The following DGKK variants were observed in gnomAD, a reference collection of about 807,000 sequenced individuals.
DGKK encodes 142 kDa diacylglycerol kinase.
A neutral mutation model predicts 92.2 loss-of-function variants in DGKK; 35 were observed. That is an observed-to-expected ratio of 0.38 (90% CI 0.29 to 0.50). The LOEUF is 0.50. Among genes scored for constraint, DGKK ranks in the 20% least tolerant of loss-of-function variants. The pLI is 0.92. For missense variants in DGKK, 910 were observed against 992.2 expected (o/e 0.92, Z 1.11); for synonymous variants, 368 against 360.6 (o/e 1.02, Z -0.23).
chrX:50,444,644 T>C (rs1557231598), intron 1 of DGKK, among the ~76,000 whole-genome samples: 1 of 112,180 alleles, frequency 8.9e-6, no homozygotes, highest in Non-Finnish European at 1.9e-5. Flanking sequence ...TATGGCTGCA[T>C]AGTATTCCAT....
intron 4 of DGKK, among the ~76,000 whole-genome samples, chrX:50,405,140 A>G (rs1293610148): frequency 8.9e-6 from 1 of 112,132 alleles, no homozygotes; most frequent in Non-Finnish European, 1.9e-5. Context: ...CCCTGCCTAC[A>G]TGGAGTGGCA....
rs781940447 is a variant in DGKK, at chrX:50,378,088, TC to T, written c.3111+9del. On this transcript the variant is annotated intron_variant, in intron 22 of 27. Transcript: ENST00000611977. Reference sequence around the variant, plus strand: ...AGTATAGGAGCCCAAGACAAGATTTTCCCCCTTACCCGATCTCTTGTCAGCA... The same window carrying T: ...AGTATAGGAGCCCAAGACAAGATTTTCCCCTTACCCGATCTCTTGTCAGCA... 16 of 1,201,982 alleles carry T rather than the reference TC, an allele frequency of 1.3e-5. No homozygotes were observed. The East Asian group carries it at 2.7e-4, about 20-fold the overall frequency.
chrX:50,460,409 T>C (rs1299448700), intron 1 of DGKK, among the ~76,000 whole-genome samples: 1 of 111,551 alleles, frequency 9.0e-6, no homozygotes, highest in African/African-American at 3.3e-5. Context: ...TCAGAACTAC[T>C]GCCTCTTGTT....
chrX:50,376,610 G>T, intron 23 of DGKK, 148 bp downstream of exon 23: 2 of 482,484 alleles, frequency 4.1e-6, no homozygotes, highest in Non-Finnish European at 6.6e-6. Context: ...TTCCTGCCTG[G>T]ATTGTGAGGG....
chrX:50,388,600 AG>A lies in DGKK; in HGVS notation c.1944del (p.Leu649Ter), dbSNP rs782577029. 1 of 1,205,721 alleles carries A rather than the reference AG, an allele frequency of 8.3e-7. No homozygotes were observed. ...VPRFEAAAIQ[H>X]LESAATELNK... ...TTCAACTCGGTGGCTGCAGATTCTA[AG>A]TGTTGGATGGCAGCAGCCTAGGGGC... On this transcript the variant is annotated frameshift_variant, in exon 13 of 28. Transcript: ENST00000611977. LOFTEE classifies it high-confidence loss of function.
intron 1 of DGKK, among the ~76,000 whole-genome samples, chrX:50,434,920 A>G (rs1201587741): frequency 2.7e-5 from 3 of 111,929 alleles, no homozygotes; most frequent in Non-Finnish European, 5.6e-5. Context: ...GAAACATGTC[A>G]TTAGGCCATT....
chrX:50,470,176 T>C lies in DGKK; in HGVS notation c.503A>G (p.Glu168Gly), dbSNP rs376338133. 1 of 1,210,708 alleles carries C rather than the reference T, an allele frequency of 8.3e-7. No individual in the cohort carries two copies. Among genetic ancestry groups the C allele is most frequent in the African/African-American group, 1.7e-5 (1 of 57,434 alleles). Residue 168 changes from glutamate (E) to glycine (G), a missense_variant, in exon 1 of 28, where the codon GAG (glutamate) becomes GGG (glycine). Coordinates refer to ENST00000611977, the MANE Select transcript of DGKK (RefSeq NM_001013742.4). ...ACTTGGACGGAACTCTGGAGCCGCC[T>C]CAGGGCAGAACTCTGGGGCCAGCTC... is the stretch of plus-strand genomic sequence containing the variant. The part of the protein sequence containing the change: ...VTELAPEFCP[E>G]AAPEFRPSPA...
chrX:50,436,230 G>A (rs61289220), intron 1 of DGKK, among the ~76,000 whole-genome samples: 204 of 112,249 alleles, frequency 1.8e-3, no homozygotes, highest in African/African-American at 6.4e-3. Flanking sequence ...GTGAAATGAA[G>A]TGCTAACAGT....
At chrX:50,466,378 T>A (rs1221502883) in intron 1 of DGKK, among the ~76,000 whole-genome samples, 2 of 111,553 alleles carry the variant, frequency 1.8e-5, no homozygotes, top group Non-Finnish European at 3.8e-5. Flanking sequence ...AGGAAAAAAA[T>A]TTATTATCCC....
chrX:50,396,636 T>C (rs1380551303), intron 8 of DGKK, among the ~76,000 whole-genome samples: 1 of 110,449 alleles, frequency 9.1e-6, no homozygotes, highest in Non-Finnish European at 1.9e-5. Flanking sequence ...CAGTGGGACA[T>C]AGCCCCAGCA....
chrX:50,375,938 T>A, intron 24 of DGKK, 86 bp downstream of exon 24: 1 of 1,087,709 alleles, frequency 9.2e-7, no homozygotes, highest in Non-Finnish European at 1.2e-6. Context: ...AGTTTCTCCG[T>A]CCAGCCTCCG....
At chrX:50,400,474 G>T (rs1400780650) in intron 8 of DGKK, among the ~76,000 whole-genome samples, 1 of 111,920 alleles carries the variant, frequency 8.9e-6, no homozygotes, top group East Asian at 2.8e-4. Flanking sequence ...ATTGTTAATT[G>T]TTGTATTATA....
At chrX:50,378,345 G>A in intron 21 of DGKK, 113 bp from the exon 22 acceptor site, 1 of 1,007,138 alleles carries the variant, frequency 9.9e-7, no homozygotes, top group Admixed American at 2.9e-5. Context: ...GGACTGGAAA[G>A]GATGTGAATC....
intron 26 of DGKK, among the ~76,000 whole-genome samples, chrX:50,371,433 A>G (rs1924123297): frequency 8.9e-6 from 1 of 111,935 alleles, no homozygotes; most frequent in African/African-American, 3.3e-5. Flanking sequence ...ACACAAAAAA[A>G]CCTATCTTGC....
At chrX:50,369,070 G>C in intron 27 of DGKK, 51 bp from the exon 28 acceptor site, 1 of 1,016,621 alleles carries the variant, frequency 9.8e-7, no homozygotes, top group Non-Finnish European at 1.4e-6. Flanking sequence ...CACAATGCCA[G>C]ATGCCCAAGT....
intron 7 of DGKK, among the ~76,000 whole-genome samples, chrX:50,402,459 T>C (rs1557226760): frequency 1.8e-5 from 2 of 111,432 alleles, no homozygotes; most frequent in East Asian, 5.6e-4. Context: ...GCATAGTCTT[T>C]GCAGAATTAT....
At chrX:50,429,667 A>T (rs782610518) in intron 1 of DGKK, among the ~76,000 whole-genome samples, 35 of 112,546 alleles carry the variant, frequency 3.1e-4, no homozygotes, top group African/African-American at 8.0e-4. Flanking sequence ...CCAGCCTGGA[A>T]GACAGCGCAA....
intron 4 of DGKK, among the ~76,000 whole-genome samples, chrX:50,410,908 G>T (rs1557227867): frequency 9.0e-6 from 1 of 111,178 alleles, no homozygotes; most frequent in Admixed American, 9.5e-5. Context: ...GCAGGGCTAG[G>T]TCACTTGGGG....
At chrX:50,440,378 A>G (rs1273400252) in intron 1 of DGKK, among the ~76,000 whole-genome samples, 1 of 111,712 alleles carries the variant, frequency 9.0e-6, no homozygotes, top group Non-Finnish European at 1.9e-5. Context: ...CGAAACCAAC[A>G]ATGACGAGCA....
Sources: gnomAD v4.1 joint callset for allele counts (sites outside exome capture counted in the v4.1 genomes callset) on GRCh38, gnomAD v4.1.1 for gene constraint, MANE v1.5 for transcripts, NCBI Gene and HGNC (gene_info 2026-07-23, HGNC 2026-07-21) for gene names.